Variants in MTF1 observed in about 807,000 individuals in gnomAD.
The protein encoded by MTF1 is MRE-binding transcription factor.
A neutral mutation model predicts 70.4 loss-of-function variants in MTF1; 22 were observed. The ratio of observed to expected loss-of-function variants is 0.31; its 90% CI spans 0.22 to 0.45. The LOEUF (loss-of-function observed/expected upper bound fraction) is 0.45, where lower values mean the gene tolerates loss of function less well. MTF1 is among the 20% of genes least tolerant of loss of function. The pLI is 1.00. For synonymous variants in MTF1, 333 were observed against 352.8 expected (o/e 0.94, Z 0.63); for missense variants, 649 against 922.0 (o/e 0.70, Z 3.83).
chr1:37,856,943 G>C (rs1020725389), intron 2 of MTF1, among the ~76,000 whole-genome samples: 10 of 152,144 alleles, frequency 6.6e-5, no homozygotes, highest in African/African-American at 2.4e-4. Context: ...TTTCCCTGTA[G>C]ATAAGCTAAA....
rs1277920146 is a variant in MTF1, at chr1:37,809,744, A to T, written c.*5392T>A. On this transcript the variant is annotated 3_prime_UTR_variant, in exon 11 of 11. Transcript: ENST00000373036. ...TCACATTCTTCAAAAATACAAATTC[A>T]TATTTATTCTTTTTTGGGTTTGGAG... The T allele has an allele frequency of 6.5e-6, 1 of 152,690 alleles. No individual in the cohort carries two copies. Among genetic ancestry groups the T allele is most frequent in the Non-Finnish European group, 1.5e-5 (1 of 68,082 alleles). 9.5% of individuals were successfully genotyped at this position (152,690 alleles called of 1,614,324 possible). A position where few individuals can be genotyped will look rare whatever the true frequency, so the allele number is the denominator to read the frequency against.
At chr1:37,816,216 GT>G (rs1374520005) in intron 10 of MTF1, among the ~76,000 whole-genome samples, 1 of 152,200 alleles carries the variant, frequency 6.6e-6, no homozygotes, top group African/African-American at 2.4e-5. Context: ...GCCAGGCTTT[GT>G]GTGTCTTGAC....
Position 37,857,410 on chromosome 1 carries a change from C to T in MTF1, c.249G>A (p.Leu83=), listed in dbSNP as rs1325112502. The T allele has an allele frequency of 6.2e-7, 1 of 1,614,152 alleles. No homozygotes were observed. ...CCTGGGACATTGCTTCATGATCTAT[C>T]AGGTGAAAGCCCTCTTCACCCCCTA... is the stretch of plus-strand genomic sequence containing the variant. The part of the protein sequence containing the change: ...FLVGGEEGFH[L]IDHEAMSQGY... The change falls in exon 2 of 11, where the codon CTG becomes CTA. Residue 83 remains leucine (L), a synonymous_variant. Transcript: ENST00000373036.
chr1:37,823,837 A>C (rs1429373036), intron 7 of MTF1, 25 bp from the exon 8 acceptor site: 1 of 1,543,558 alleles, frequency 6.5e-7, no homozygotes, highest in African/African-American at 1.4e-5. Flanking sequence ...CAAAGATGTG[A>C]GATTGGCCAT....
At chr1:37,833,633 G>A (rs1196198869) in intron 6 of MTF1, among the ~76,000 whole-genome samples, 4 of 152,134 alleles carry the variant, frequency 2.6e-5, no homozygotes, top group South Asian at 2.1e-4. Context: ...TAGAGCTTAC[G>A]TTCTAGCAGA....
At chr1:37,853,684 T>C (rs1427357170) in intron 2 of MTF1, among the ~76,000 whole-genome samples, 1 of 152,188 alleles carries the variant, frequency 6.6e-6, no homozygotes, top group Non-Finnish European at 1.5e-5. Context: ...TTTCCTAAAT[T>C]GTATGTATTC....
At chr1:37,841,296 G>C (rs1026067645) in intron 2 of MTF1, 2 of 154,024 alleles carry the variant, frequency 1.3e-5, no homozygotes, top group Non-Finnish European at 2.9e-5. Flanking sequence ...CCTGTTTGGA[G>C]AGGCCACTAG....
chr1:37,829,761 G>A (rs988667025), intron 7 of MTF1, among the ~76,000 whole-genome samples: 1 of 151,672 alleles, frequency 6.6e-6, no homozygotes, highest in African/African-American at 2.4e-5. Flanking sequence ...CTCCAGCCTG[G>A]GCGACAGAGC....
chr1:37,821,139 G>A (rs991332225), intron 9 of MTF1, among the ~76,000 whole-genome samples: 3 of 151,884 alleles, frequency 2.0e-5, no homozygotes, highest in African/African-American at 4.8e-5. Flanking sequence ...TCGCACCACT[G>A]CACTCTAGCC....
Position 37,822,659 on chromosome 1 carries a change from G to A in MTF1, c.1229C>T (p.Ser410Phe). The stretch of plus-strand genomic sequence containing the variant: ...AGATAAAGATGCTGAATTTCCTGTG[G>A]ATGGCGGAACATCACTGACTGACTC... ...DAESVSDVPP[S>F]TGNSASLSLP... is the part of the protein sequence containing the mutation. Residue 410 changes from serine to phenylalanine, a missense_variant, in exon 9 of 11, where the codon TCC (serine) becomes TTC (phenylalanine). Around this residue, in one of 7 missense-constraint regions of MTF1, gnomAD observed 267 missense variants for 292.1 expected, o/e 0.91. Coordinates refer to ENST00000373036, the MANE Select transcript of MTF1 (RefSeq NM_005955.3). 1.9e-6 allele frequency: 3 copies of A among 1,613,842 alleles called. No homozygotes were observed. The highest frequency in any genetic ancestry group is 2.5e-6 in the Non-Finnish European group (3 of 1,180,024).
At chr1:37,820,257 C>T (rs1214575374) in intron 9 of MTF1, among the ~76,000 whole-genome samples, 1 of 152,188 alleles carries the variant, frequency 6.6e-6, no homozygotes, top group East Asian at 1.9e-4. Flanking sequence ...CATACATCCA[C>T]CTCTAGGTTC....
chr1:37,818,934 A>G (rs1640866109), intron 9 of MTF1, among the ~76,000 whole-genome samples: 1 of 151,864 alleles, frequency 6.6e-6, no homozygotes, highest in Non-Finnish European at 1.5e-5. Context: ...CGGAGGTTGC[A>G]GTGAGCCGAG....
rs1298753268 is a variant in MTF1 at position 37,830,516 on chromosome 1, T to C, written c.1068+1729A>G. ...TAAAAATCCTTGTCGCATAAAAAAATAAAAATAAAAAAAATCCTTGTCTGT... is the reference window on the plus strand; with the variant it reads ...TAAAAATCCTTGTCGCATAAAAAAACAAAAATAAAAAAAATCCTTGTCTGT... On this transcript the variant is annotated intron_variant, in intron 7 of 10. Coordinates refer to ENST00000373036, the MANE Select transcript of MTF1 (RefSeq NM_005955.3). Among the ~76,000 whole-genome samples the C allele has an allele frequency of 3.3e-5, 5 of 152,252 alleles. No homozygotes were observed. In the East Asian group the frequency reaches 9.6e-4, roughly 29 times the overall value.
chr1:37,821,559 AG>A (rs771087058), intron 9 of MTF1, among the ~76,000 whole-genome samples: 8 of 152,120 alleles, frequency 5.3e-5, no homozygotes, highest in Non-Finnish European at 1.0e-4. Context: ...GGCAAATATT[AG>A]GCTTTCAAAG....
rs112244514 is a variant in MTF1, at chr1:37,839,875, A to G, written c.647+45T>C. On this transcript the variant is annotated intron_variant, in intron 3 of 10. Transcript: ENST00000373036. Reference sequence around the variant, plus strand: ...GGGGAAAGAGCTCTGCCATCACAACAAGGTCAAGGTCAGAGGCTGGCAGAG... The same window carrying G: ...GGGGAAAGAGCTCTGCCATCACAACGAGGTCAAGGTCAGAGGCTGGCAGAG... The G allele has an allele frequency of 2.3e-3, 3,421 of 1,490,770 alleles. 67 individuals carry two copies. The African/African-American group carries it at 0.041, about 18-fold the overall frequency. The allele number at this position is 1,490,770 out of a possible 1,614,324, so 92.3% of individuals were successfully genotyped here.
rs1640749705 is a variant in MTF1, at chr1:37,812,223, C to A, written c.*2913G>T. On this transcript the variant is annotated 3_prime_UTR_variant, in exon 11 of 11. Transcript: ENST00000373036. ...CCCAAGTTTGGGAAACCACACTCAC[C>A]ATGAAGGTTCTTTCTGGCTCCAGCT... 1 of 152,214 alleles carries A rather than the reference C, an allele frequency of 6.6e-6. No homozygotes were observed. Among genetic ancestry groups the A allele is most frequent in the African/African-American group, 2.4e-5 (1 of 41,450 alleles). The allele number at this position is 152,214 out of a possible 1,614,324, so 9.4% of individuals were successfully genotyped here.
chr1:37,855,613 C>G, intron 2 of MTF1, among the ~76,000 whole-genome samples: 1 of 152,146 alleles, frequency 6.6e-6, no homozygotes, highest in African/African-American at 2.4e-5. Flanking sequence ...CATCTTAGTC[C>G]TTGGTACTGT....
intron 4 of MTF1, among the ~76,000 whole-genome samples, chr1:37,837,634 T>C (rs1641189781): frequency 6.6e-6 from 1 of 152,022 alleles, no homozygotes; most frequent in Non-Finnish European, 1.5e-5. Flanking sequence ...GCCTCCAGAG[T>C]AGCTGGGACT....
At chr1:37,828,268 G>C (rs561986755) in intron 7 of MTF1, 269 of 360,578 alleles carry the variant, frequency 7.5e-4, no homozygotes, top group Non-Finnish European at 1.2e-3. Flanking sequence ...GGGTATGTGA[G>C]GGGGGGGCCT....
Sources: gnomAD v4.1 joint callset for allele counts (sites outside exome capture counted in the v4.1 genomes callset) on GRCh38, gnomAD v4.1.1 for gene constraint, gnomAD v4.1.1 regional missense constraint, MANE v1.5 for transcripts, NCBI Gene and HGNC (gene_info 2026-07-23, HGNC 2026-07-21) for gene names.